ZNF518A: variants seen among roughly 807,000 people sequenced by gnomAD.
ZNF518A encodes the protein zinc finger protein 518A.
ZNF518A carries 47 observed loss-of-function variants against 102.7 expected under a neutral mutation model. The ratio of observed to expected loss-of-function variants is 0.46; its 90% CI spans 0.36 to 0.58. The LOEUF (loss-of-function observed/expected upper bound fraction) is 0.58, where lower values mean the gene tolerates loss of function less well. Ranked by LOEUF, ZNF518A falls within the 20% of genes least tolerant of loss-of-function variation. ZNF518A has a pLI of 0.00. For synonymous variants in ZNF518A, 652 were observed against 594.6 expected (o/e 1.10, Z -1.40); for missense variants, 1,793 against 1,699.8 (o/e 1.05, Z -0.96).
chr10:96,156,802 T>A lies in ZNF518A; in HGVS notation c.480T>A (p.Asn160Lys). The A allele has an allele frequency of 1.9e-6, 3 of 1,613,910 alleles. No individual in the cohort carries two copies. The highest frequency in any genetic ancestry group is 2.5e-6 in the Non-Finnish European group (3 of 1,179,826). Residue 160 changes from asparagine to lysine, a missense_variant, in exon 6 of 6, where the codon AAT becomes AAA. This residue lies in a region of ZNF518A where 1,741 missense variants were observed against 1,622.6 expected (regional missense o/e 1.07). Coordinates refer to ENST00000316045, the MANE Select transcript of ZNF518A (RefSeq NM_001330736.2). ...YPCEMCNFSA[N>K]DFQVFKQHRR... ...GTGAAATGTGCAACTTTTCAGCAAA[T>A]GACTTTCAGGTATTTAAACAACACA...
At chr10:96,196,376 G>T (rs2083465856) in intron 1 of ZNF518A, among the ~76,000 whole-genome samples, 1 of 152,118 alleles carries the variant, frequency 6.6e-6, no homozygotes, top group South Asian at 2.1e-4. Flanking sequence ...AGATTAAAGA[G>T]GCATTAAAGT....
At chr10:96,175,812 G>A (rs10882737) in intron 1 of ZNF518A, among the ~76,000 whole-genome samples, 45,705 of 150,366 alleles carry the variant, frequency 0.3, 8,120 homozygotes, top group East Asian at 0.67. Context: ...AATAGCTAGT[G>A]GCTGTCAACC....
chr10:96,174,687 C>A (rs1242641369), intron 1 of ZNF518A, among the ~76,000 whole-genome samples: 1 of 151,850 alleles, frequency 6.6e-6, no homozygotes, highest in Non-Finnish European at 1.5e-5. Context: ...GTAAGAAAAA[C>A]CCAGGTTTAG....
At chr10:96,135,500 A>G (rs1030484110) in intron 3 of ZNF518A, among the ~76,000 whole-genome samples, 1 of 152,214 alleles carries the variant, frequency 6.6e-6, no homozygotes, top group African/African-American at 2.4e-5. Context: ...TACCTTATAA[A>G]GAGTTCCCTT....
intron 3 of ZNF518A, among the ~76,000 whole-genome samples, chr10:96,136,196 A>G (rs2081588757): frequency 1.3e-5 from 2 of 152,016 alleles, no homozygotes; most frequent in African/African-American, 2.4e-5. Context: ...TTCTTTTCAT[A>G]TAATTTCATT....
upstream of ZNF518A, chr10:96,129,826 G>T (rs1252797408): frequency 6.6e-6 from 1 of 152,450 alleles, no homozygotes; most frequent in Non-Finnish European, 1.5e-5. Flanking sequence ...CCGGCAGTAA[G>T]ATCAGCAGCT....
chr10:96,183,427 T>C (rs1466449366), intron 1 of ZNF518A, among the ~76,000 whole-genome samples: 1 of 152,256 alleles, frequency 6.6e-6, no homozygotes, highest in East Asian at 1.9e-4. Flanking sequence ...TTTAGATCTT[T>C]CCTGCTTTCT....
At chr10:96,196,112 T>C (rs2083458944) in intron 1 of ZNF518A, among the ~76,000 whole-genome samples, 1 of 152,260 alleles carries the variant, frequency 6.6e-6, no homozygotes, top group South Asian at 2.1e-4. Context: ...TCTGAAGGAA[T>C]CTTGAAAGTA....
In ZNF518A at chr10:96,160,318, T is replaced by C. The variant is rs1554887119; in HGVS notation, c.3996T>C (p.Phe1332=). 5.0e-6 allele frequency: 8 copies of C among 1,613,718 alleles called. No individual in the cohort carries two copies. The Admixed American group carries it at 8.3e-5, about 17-fold the overall frequency. ...TCAGAACTTTGCGGCTTTTCCCTTT[T>C]AGTTCTAAACAGCTTGTGAAATGTC... ...DSIRTLRLFP[F]SSKQLVKCPR... The change falls in exon 6 of 6, where the codon TTT becomes TTC. Residue 1332 remains phenylalanine, a synonymous_variant. Coordinates refer to ENST00000316045, the MANE Select transcript of ZNF518A (RefSeq NM_001330736.2).
chr10:96,183,129 C>T (rs587767134), intron 1 of ZNF518A, among the ~76,000 whole-genome samples: 1 of 152,290 alleles, frequency 6.6e-6, no homozygotes, highest in South Asian at 2.1e-4. Flanking sequence ...ATAGTATTCT[C>T]TGATGGTACT....
chr10:96,198,498 A>G (rs1486993843), intron 1 of ZNF518A, among the ~76,000 whole-genome samples: 3 of 152,200 alleles, frequency 2.0e-5, no homozygotes, highest in African/African-American at 7.2e-5. Flanking sequence ...TAAAAACAAA[A>G]AGTCTGCAGA....
rs2082914351 is a variant in ZNF518A, at chr10:96,159,858, T to G, written c.3536T>G (p.Ile1179Ser). The G allele has an allele frequency of 6.2e-7, 1 of 1,613,334 alleles. No homozygotes were observed. The highest frequency in any genetic ancestry group is 1.3e-5 in the African/African-American group (1 of 74,868). ...AAAGACAACGTACCATCTAATCAGA[T>G]TATAGGAGGAGAGCAGAAAGAGCCA... is the stretch of plus-strand genomic sequence containing the variant. ...LQKDNVPSNQ[I>S]IGGEQKEPES... Residue 1179 changes from isoleucine to serine, a missense_variant, in exon 6 of 6, where the codon ATT (isoleucine) becomes AGT (serine). Around this residue, in one of 3 missense-constraint regions of ZNF518A, gnomAD observed 1,741 missense variants for 1,622.6 expected, o/e 1.07. Transcript: ENST00000316045.
At chr10:96,201,841 T>G (rs1195600902) in intron 1 of ZNF518A, among the ~76,000 whole-genome samples, 2 of 152,128 alleles carry the variant, frequency 1.3e-5, no homozygotes, top group Non-Finnish European at 2.9e-5. Flanking sequence ...AATGCCCTGC[T>G]CTCCTGGAAC....
chr10:96,148,389 G>A (rs1454631397), intron 3 of ZNF518A, among the ~76,000 whole-genome samples: 1 of 152,116 alleles, frequency 6.6e-6, no homozygotes, highest in African/African-American at 2.4e-5. Flanking sequence ...GTGGTGAGCT[G>A]AGATCGTGCC....
At chr10:96,194,829 G>T (rs1366913095) in intron 1 of ZNF518A, among the ~76,000 whole-genome samples, 1 of 139,602 alleles carries the variant, frequency 7.2e-6, no homozygotes, top group African/African-American at 2.7e-5. Context: ...GGAGTGCAGT[G>T]GCGCGATCTC....
intron 1 of ZNF518A, 198 bp downstream of exon 1, chr10:96,130,950 T>A (rs1554871503): frequency 6.6e-6 from 1 of 152,180 alleles, no homozygotes; most frequent in Non-Finnish European, 1.5e-5. Flanking sequence ...ATGTTTTAAC[T>A]CTTAAGTGGA....
chr10:96,136,645 C>A (rs1201216487), intron 3 of ZNF518A, among the ~76,000 whole-genome samples: 1 of 151,522 alleles, frequency 6.6e-6, no homozygotes, highest in African/African-American at 2.4e-5. Context: ...CATAGTGAGA[C>A]CCCATCTCTA....
chr10:96,171,762 A>G (rs587756908), intron 1 of ZNF518A, among the ~76,000 whole-genome samples: 7 of 152,298 alleles, frequency 4.6e-5, no homozygotes, highest in East Asian at 1.9e-4. Flanking sequence ...AGTCAAAGAA[A>G]TAATGACTAG....
intron 3 of ZNF518A, among the ~76,000 whole-genome samples, chr10:96,151,873 A>G (rs2082465977): frequency 6.6e-6 from 1 of 152,212 alleles, no homozygotes; most frequent in Non-Finnish European, 1.5e-5. Context: ...AGATGTTTTC[A>G]GTTGCCATGT....
Sources: gnomAD v4.1 joint callset for allele counts (sites outside exome capture counted in the v4.1 genomes callset) on GRCh38, gnomAD v4.1.1 for gene constraint, gnomAD v4.1.1 regional missense constraint, MANE v1.5 for transcripts, NCBI Gene and HGNC (gene_info 2026-07-23, HGNC 2026-07-21) for gene names.